The following EIF3CL variants were observed in gnomAD, a reference collection of about 807,000 sequenced individuals.
EIF3CL encodes eukaryotic translation initiation factor 3 subunit C-like protein.
For synonymous variants in EIF3CL, 2 were observed against 19.6 expected (o/e 0.10, Z 2.37); for missense variants, 5 against 56.1 (o/e 0.09, Z 2.91).
the EIF3CL span, chr16:28,414,916 T>A: frequency 1.9e-6 from 1 of 514,948 alleles, no homozygotes; most frequent in East Asian, 5.8e-5. Context: ...GGCCTCCGGG[T>A]CCCCAACTCT....
At chr16:28,426,043 G>A in the EIF3CL span, among the ~76,000 whole-genome samples, 1 of 113,726 alleles carries the variant, frequency 8.8e-6, no homozygotes, top group African/African-American at 3.2e-5. Flanking sequence ...GATCATGCCA[G>A]TGCACTCCAG....
chr16:28,396,705 A>C (rs1417485028), intron 8 of EIF3CL, among the ~76,000 whole-genome samples: 4 of 64,020 alleles, frequency 6.2e-5, no homozygotes, highest in African/African-American at 1.6e-4. Context: ...AAACAAGTGC[A>C]GTTATTGTAT....
chr16:28,392,416 T>C (rs2045637036), intron 8 of EIF3CL, among the ~76,000 whole-genome samples: 1 of 117,208 alleles, frequency 8.5e-6, no homozygotes, highest in Non-Finnish European at 1.9e-5. Context: ...CTGGGCAACA[T>C]GGTGGAACCC....
the EIF3CL span, chr16:28,415,162 T>G: frequency 3.3e-6 from 1 of 299,474 alleles, no homozygotes. Context: ...AGGCCTTCCC[T>G]GCCCTCTCCC....
intron 15 of EIF3CL, among the ~76,000 whole-genome samples, chr16:28,384,159 T>G (rs916993125): frequency 1.7e-5 from 1 of 59,920 alleles, no homozygotes; most frequent in African/African-American, 4.5e-5. Flanking sequence ...GTTTTTTTTT[T>G]TTTTTTTTTT....
the EIF3CL span, among the ~76,000 whole-genome samples, chr16:28,417,861 C>A: frequency 7.4e-6 from 1 of 135,914 alleles, no homozygotes; most frequent in Non-Finnish European, 1.6e-5. Flanking sequence ...AAAGTTTGCA[C>A]TTTAGGAATG....
At chr16:28,418,007 C>T in the EIF3CL span, among the ~76,000 whole-genome samples, 13 of 142,860 alleles carry the variant, frequency 9.1e-5, no homozygotes, top group Non-Finnish European at 1.1e-4. Context: ...CACCCCATTG[C>T]GCTCTAGACT....
the EIF3CL span, among the ~76,000 whole-genome samples, chr16:28,415,466 G>A: frequency 1.4e-5 from 2 of 142,840 alleles, no homozygotes; most frequent in African/African-American, 5.4e-5. Flanking sequence ...GAAAAAAAAA[G>A]AGGCTGGATG....
chr16:28,422,863 A>G, the EIF3CL span, among the ~76,000 whole-genome samples: 80 of 120,836 alleles, frequency 6.6e-4, no homozygotes, highest in South Asian at 0.01. Context: ...GAAAAGAAAA[A>G]AAAATTCAAT....
chr16:28,423,989 T>A, the EIF3CL span, among the ~76,000 whole-genome samples: 2 of 38,534 alleles, frequency 5.2e-5, no homozygotes, highest in South Asian at 6.2e-4. Context: ...ACCTGGCTAA[T>A]TTTTTTTTTT....
At chr16:28,403,105 G>A (rs1466511353) in intron 2 of EIF3CL, among the ~76,000 whole-genome samples, 2 of 144,174 alleles carry the variant, frequency 1.4e-5, no homozygotes, top group East Asian at 2.3e-4. Context: ...AAGCACCTGC[G>A]TACACAGCAG....
the EIF3CL span, chr16:28,414,922 A>C: frequency 1.9e-6 from 1 of 515,016 alleles, no homozygotes; most frequent in East Asian, 5.8e-5. Flanking sequence ...CGGGTCCCCA[A>C]CTCTGAGGTC....
chr16:28,417,152 G>GC, the EIF3CL span, among the ~76,000 whole-genome samples: 216 of 128,234 alleles, frequency 1.7e-3, 3 homozygotes, highest in Middle Eastern at 4.5e-3. Context: ...TGGGGGGTCA[G>GC]CCCCCCGCCC....
the EIF3CL span, among the ~76,000 whole-genome samples, chr16:28,423,814 A>G: frequency 7.8e-5 from 8 of 102,548 alleles, 3 homozygotes; most frequent in South Asian, 2.2e-3. Context: ...TATAATATAT[A>G]TATTATATAT....
the EIF3CL span, chr16:28,414,397 A>G: frequency 9.3e-6 from 3 of 321,890 alleles, no homozygotes; most frequent in South Asian, 4.7e-5. Flanking sequence ...CTCCGTCTCA[A>G]AAAAAAAAAG....
chr16:28,415,803 TC>T, the EIF3CL span, among the ~76,000 whole-genome samples: 1 of 105,390 alleles, frequency 9.5e-6, no homozygotes, highest in Non-Finnish European at 2.2e-5. Flanking sequence ...CCTCTCCCTC[TC>T]CCTCTCCCTC....
At chr16:28,403,350 C>A (rs2045669044) in intron 2 of EIF3CL, among the ~76,000 whole-genome samples, 168 bp downstream of exon 2, 2 of 47,824 alleles carry the variant, frequency 4.2e-5, no homozygotes, top group Non-Finnish European at 9.4e-5. Flanking sequence ...TATCACAGCC[C>A]TCTAAGGCTG....
chr16:28,418,661 G>A, the EIF3CL span, among the ~76,000 whole-genome samples: 32 of 151,358 alleles, frequency 2.1e-4, no homozygotes, highest in South Asian at 2.5e-3. Flanking sequence ...ACACAGTTTC[G>A]CTCTTTTGCC....
At chr16:28,415,329 G>C in the EIF3CL span, among the ~76,000 whole-genome samples, 1 of 91,446 alleles carries the variant, frequency 1.1e-5, no homozygotes, top group African/African-American at 5.0e-5. Flanking sequence ...CCGCCAGGTA[G>C]AGGGGAGGGT....
Sources: allele counts gnomAD v4.1 joint callset (sites outside exome capture counted in the v4.1 genomes callset), GRCh38; gene constraint gnomAD v4.1.1; transcripts MANE v1.5; gene names NCBI Gene and HGNC (gene_info 2026-07-23, HGNC 2026-07-21).